The following ADCY8 variants were observed in gnomAD, a reference collection of about 807,000 sequenced individuals.
The protein encoded by ADCY8 is adenylate cyclase type 8.
In ADCY8, 51 loss-of-function variants were observed where a neutral mutation model predicts 119.7. The observed-to-expected ratio is 0.43, with a 90% CI of 0.34 to 0.54. The LOEUF is 0.54. ADCY8 is among the 20% of genes least tolerant of loss of function. The pLI is 0.03. For synonymous variants in ADCY8, 665 were observed against 651.0 expected (o/e 1.02, Z -0.33); for missense variants, 1,383 against 1,598.8 (o/e 0.87, Z 2.30).
intron 8 of ADCY8, among the ~76,000 whole-genome samples, chr8:130,869,939 C>CTTCTTCT (rs1563703091): frequency 2.1e-5 from 3 of 145,288 alleles, no homozygotes; most frequent in African/African-American, 7.7e-5. Flanking sequence ...CCTCCTCCTC[C>CTTCTTCT]TCTTCTTCTT....
At chr8:130,909,028 TCCATCCATCCA>T (rs553227720) in intron 6 of ADCY8, among the ~76,000 whole-genome samples, 2,801 of 97,404 alleles carry the variant, frequency 0.029, 41 homozygotes, top group African/African-American at 0.048. Flanking sequence ...TCTCCATCCA[TCCATCCATCCA>T]CCATCCATCC....
intron 11 of ADCY8, among the ~76,000 whole-genome samples, chr8:130,838,158 C>T (rs1334378155): frequency 6.6e-6 from 1 of 152,156 alleles, no homozygotes. Context: ...ATCCTTTCAA[C>T]AAATGTTGAC....
At position 130,807,529 on chromosome 8, in the gene ADCY8, T is replaced by TTTC. The variant is rs745872950; in HGVS notation, c.2913+6537_2913+6539dup. ...TTGTTAAAGGGTATGAGGGAGTGGATTTCTTCTTTCTGGCTCTTACACCAT... is the reference window on the plus strand; with the variant it reads ...TTGTTAAAGGGTATGAGGGAGTGGATTTCTTCTTCTTTCTGGCTCTTACACCAT... On this transcript the variant is annotated intron_variant, in intron 14 of 17. Coordinates refer to ENST00000286355, the MANE Select transcript of ADCY8 (RefSeq NM_001115.3). 6.6e-4 allele frequency among the ~76,000 whole-genome samples: 100 copies of TTTC among 152,244 alleles called. No individual in the cohort carries two copies. In the Middle Eastern group the frequency reaches 0.024, roughly 36 times the overall value.
intron 15 of ADCY8, among the ~76,000 whole-genome samples, chr8:130,787,241 A>G (rs1267353257): frequency 6.6e-6 from 1 of 152,120 alleles, no homozygotes; most frequent in Non-Finnish European, 1.5e-5. Context: ...TCATGAGGGG[A>G]GGGAAACATG....
chr8:131,018,510 G>T (rs1173030662), intron 1 of ADCY8, among the ~76,000 whole-genome samples: 1 of 152,128 alleles, frequency 6.6e-6, no homozygotes, highest in South Asian at 2.1e-4. Context: ...TTGTTCTCAA[G>T]AGTGGAGATG....
intron 8 of ADCY8, among the ~76,000 whole-genome samples, chr8:130,881,394 C>T (rs1347652943): frequency 3.9e-5 from 6 of 152,108 alleles, no homozygotes; most frequent in Non-Finnish European, 5.9e-5. Flanking sequence ...TTGTTCATTT[C>T]GGTGTTTGAA....
chr8:130,810,921 C>T (rs1816143986), intron 14 of ADCY8, among the ~76,000 whole-genome samples: 1 of 152,142 alleles, frequency 6.6e-6, no homozygotes, highest in African/African-American at 2.4e-5. Context: ...TCCTATGTGC[C>T]TCACTGTTTC....
In ADCY8 at chr8:130,780,370, A is replaced by AAAC. The variant is rs1554599523; in HGVS notation, c.*19_*20insGTT. 12 of 1,404,352 alleles carry AAAC rather than the reference A, an allele frequency of 8.5e-6. No individual in the cohort carries two copies. The Middle Eastern group carries it at 6.5e-4, about 76-fold the overall frequency. The allele number at this position is 1,404,352 out of a possible 1,614,324, so 87.0% of individuals were successfully genotyped here. ...ATATATAAAAGAAATACAAAAAAAA[A>AAAC]AAACAGAAAGAAAATGCTTTTATGG... On this transcript the variant is annotated 3_prime_UTR_variant, in exon 18 of 18. Coordinates refer to ENST00000286355, the MANE Select transcript of ADCY8 (RefSeq NM_001115.3).
At chr8:130,944,735 T>A (rs951429323) in intron 3 of ADCY8, among the ~76,000 whole-genome samples, 2 of 152,226 alleles carry the variant, frequency 1.3e-5, no homozygotes, top group African/African-American at 4.8e-5. Flanking sequence ...TCATTAGGAA[T>A]CCTTAGATCT....
At chr8:130,808,942 A>T (rs1029181893) in intron 14 of ADCY8, among the ~76,000 whole-genome samples, 2 of 147,724 alleles carry the variant, frequency 1.4e-5, no homozygotes, top group African/African-American at 5.1e-5. Context: ...CGGGACTCAG[A>T]GCTAGCCTGC....
chr8:130,895,152 T>C lies in ADCY8; in HGVS notation c.1911+8620A>G, dbSNP rs1819342109. ...TTGCTTTTACTCTTCCTACCTATCT[T>C]CTCATATTTAAAATATCATACATTT... On this transcript the variant is annotated intron_variant, in intron 7 of 17. Coordinates refer to ENST00000286355, the MANE Select transcript of ADCY8 (RefSeq NM_001115.3). Among the ~76,000 whole-genome samples the C allele has an allele frequency of 1.3e-5, 2 of 152,140 alleles. 1 individual carries two copies. Among genetic ancestry groups the C allele is most frequent in the South Asian group, 4.1e-4 (2 of 4,824 alleles).
chr8:130,924,469 T>A (rs1820403197), intron 5 of ADCY8, among the ~76,000 whole-genome samples: 1 of 152,178 alleles, frequency 6.6e-6, no homozygotes, highest in South Asian at 2.1e-4. Context: ...AAAAATGCTG[T>A]ATAAACAGCA....
At chr8:131,034,390 A>G (rs1824086362) in intron 1 of ADCY8, among the ~76,000 whole-genome samples, 1 of 152,078 alleles carries the variant, frequency 6.6e-6, no homozygotes, top group African/African-American at 2.4e-5. Context: ...AGTCACATAG[A>G]AAGTCAGCTC....
intron 9 of ADCY8, among the ~76,000 whole-genome samples, chr8:130,853,982 G>A (rs1191891074): frequency 6.6e-6 from 1 of 152,172 alleles, no homozygotes; most frequent in African/African-American, 2.4e-5. Context: ...AGAAATGTTA[G>A]TTCTCTTTCT....
In ADCY8 at chr8:130,981,290, A is replaced by T. The variant is rs185854930; in HGVS notation, c.1110+9103T>A. 3.9e-3 allele frequency among the ~76,000 whole-genome samples: 601 copies of T among 152,276 alleles called. 3 individuals are homozygous for T. The highest frequency in any genetic ancestry group is 0.014 in the African/African-American group (584 of 41,540). ...ACTCATGCAAAATAGTAAATGTAGA[A>T]TTCTGGTCAACTGACCCATACTCAA... is the stretch of plus-strand genomic sequence containing the variant. On this transcript the variant is annotated intron_variant, in intron 2 of 17. Coordinates refer to ENST00000286355, the MANE Select transcript of ADCY8 (RefSeq NM_001115.3).
At chr8:130,826,137 T>C (rs975021083) in intron 12 of ADCY8, among the ~76,000 whole-genome samples, 6 of 152,248 alleles carry the variant, frequency 3.9e-5, no homozygotes, top group African/African-American at 1.4e-4. Flanking sequence ...CTTTGTCATA[T>C]ACTAGTAGTT....
chr8:131,026,812 AT>A (rs1271412510), intron 1 of ADCY8, among the ~76,000 whole-genome samples: 1 of 152,220 alleles, frequency 6.6e-6, no homozygotes, highest in Non-Finnish European at 1.5e-5. Flanking sequence ...AATGAAATGT[AT>A]TACCTGATTC....
chr8:130,826,383 G>A (rs1021976486), intron 12 of ADCY8, among the ~76,000 whole-genome samples: 4 of 152,114 alleles, frequency 2.6e-5, no homozygotes, highest in African/African-American at 9.7e-5. Flanking sequence ...CATTTCCGAT[G>A]TAATAAACAA....
At chr8:130,916,472 T>C (rs974504274) in intron 5 of ADCY8, among the ~76,000 whole-genome samples, 4 of 152,242 alleles carry the variant, frequency 2.6e-5, no homozygotes, top group African/African-American at 9.6e-5. Flanking sequence ...GTCCATCTGC[T>C]TCTTAAAATG....
Sources: allele counts gnomAD v4.1 joint callset (sites outside exome capture counted in the v4.1 genomes callset), GRCh38; gene constraint gnomAD v4.1.1; transcripts MANE v1.5; gene names NCBI Gene and HGNC (gene_info 2026-07-23, HGNC 2026-07-21).